RGSL1: variants seen among roughly 807,000 people sequenced by gnomAD.
RGSL1 encodes regulator of G protein signaling like 1.
In RGSL1, 97 loss-of-function variants were observed where a neutral mutation model predicts 124.7. The ratio of observed to expected loss-of-function variants is 0.78; its 90% CI spans 0.66 to 0.92. The LOEUF (loss-of-function observed/expected upper bound fraction) is 0.92, where lower values mean the gene tolerates loss of function less well. Ranked by LOEUF, RGSL1 falls within the 40% of genes least tolerant of loss-of-function variation. The probability of loss-of-function intolerance (pLI) is 0.00; values close to 1 mark genes in which losing one functional copy is unlikely to be tolerated. For synonymous variants in RGSL1, 424 were observed against 438.1 expected, an observed-to-expected ratio of 0.97 and a Z score of 0.40; for missense variants, 1,233 against 1,288.4, an observed-to-expected ratio of 0.96 and a Z score of 0.66.
At chr1:182,485,316 C>T (rs955466316) in intron 6 of RGSL1, among the ~76,000 whole-genome samples, 1 of 152,128 alleles carries the variant, frequency 6.6e-6, no homozygotes, top group African/African-American at 2.4e-5. Context: ...TTCTGTTACT[C>T]CTTCAATGTA....
At chr1:182,512,415 AC>A (rs562086584) in intron 9 of RGSL1, among the ~76,000 whole-genome samples, 9 of 151,108 alleles carry the variant, frequency 6.0e-5, no homozygotes, top group African/African-American at 1.9e-4. Flanking sequence ...GAGTTCCCTG[AC>A]CCCCCCTCTG....
At chr1:182,469,460 T>C (rs1653633652) in intron 4 of RGSL1, among the ~76,000 whole-genome samples, 1 of 152,036 alleles carries the variant, frequency 6.6e-6, no homozygotes, top group South Asian at 2.1e-4. Flanking sequence ...AAAACTATAA[T>C]GAGATACCAT....
intron 9 of RGSL1, among the ~76,000 whole-genome samples, chr1:182,509,571 T>G (rs1571607627): frequency 4.7e-5 from 4 of 85,634 alleles, no homozygotes; most frequent in South Asian, 4.5e-4. Flanking sequence ...CCGGACGGGG[T>G]GGCTGGCCAG....
intron 20 of RGSL1, chr1:182,555,674 A>C: frequency 3.8e-6 from 1 of 263,286 alleles, no homozygotes; most frequent in Admixed American, 5.0e-5. Context: ...TCTGAATGAC[A>C]GGCTTGGTGT....
intron 9 of RGSL1, among the ~76,000 whole-genome samples, chr1:182,503,184 C>T (rs536205): frequency 0.84 from 127,510 of 152,170 alleles, 53,720 homozygotes; most frequent in Non-Finnish European, 0.87. Flanking sequence ...AATCAGTTAT[C>T]GAAGAGTTAT....
Position 182,532,796 on chromosome 1 carries a change from GTCAT to G in RGSL1, c.2494+7_2494+10del. ...AAATGCAAAATAGCAAGGAAAGTAA[GTCAT>G]TTCTGTATTTACCCCCACTCCCTGT... is the stretch of plus-strand genomic sequence containing the variant. On this transcript the variant is annotated splice_donor_region_variant and intron_variant, in intron 14 of 21. Transcript: ENST00000294854. 6.5e-7 allele frequency: 1 copy of G among 1,549,404 alleles called. No individual in the cohort carries two copies. The highest frequency in any genetic ancestry group is 8.7e-7 in the Non-Finnish European group (1 of 1,145,522).
intron 9 of RGSL1, among the ~76,000 whole-genome samples, chr1:182,517,915 G>A (rs1434584680): frequency 2.0e-5 from 3 of 151,636 alleles, no homozygotes; most frequent in African/African-American, 4.8e-5. Flanking sequence ...GAAGATTGTG[G>A]TTCTCTGTTT....
chr1:182,544,735 C>T (rs4652726), intron 15 of RGSL1, among the ~76,000 whole-genome samples: 79,527 of 151,862 alleles, frequency 0.52, 21,036 homozygotes, highest in Non-Finnish European at 0.56. Context: ...ACCCCTTTGT[C>T]ATTATATAAT....
chr1:182,492,995 CTA>C (rs1408123815), intron 8 of RGSL1, 25 bp from the exon 9 acceptor site: 1 of 1,434,080 alleles, frequency 7.0e-7, no homozygotes, highest in South Asian at 1.2e-5. Flanking sequence ...CAACTAAACT[CTA>C]TCTCTGTTTT....
intron 6 of RGSL1, among the ~76,000 whole-genome samples, chr1:182,484,513 G>A (rs184765635): frequency 6.6e-6 from 1 of 152,284 alleles, no homozygotes; most frequent in African/African-American, 2.4e-5. Context: ...AGATGGAGCA[G>A]TTCCACCAAT....
intron 14 of RGSL1, among the ~76,000 whole-genome samples, chr1:182,538,818 T>C (rs915521716): frequency 2.0e-5 from 3 of 152,196 alleles, no homozygotes; most frequent in African/African-American, 7.2e-5. Context: ...GACCTAGTCC[T>C]GACCCCGAGA....
At chr1:182,487,368 C>T (rs998755363) in intron 6 of RGSL1, among the ~76,000 whole-genome samples, 32 of 152,354 alleles carry the variant, frequency 2.1e-4, no homozygotes, top group African/African-American at 7.5e-4. Context: ...CCTGCTTCCT[C>T]TCTTGCCACT....
chr1:182,499,409 C>A (rs1164810798), intron 9 of RGSL1, among the ~76,000 whole-genome samples: 1 of 152,106 alleles, frequency 6.6e-6, no homozygotes, highest in Non-Finnish European at 1.5e-5. Context: ...TTTAATTGAA[C>A]CTTTACCATT....
intron 9 of RGSL1, among the ~76,000 whole-genome samples, chr1:182,510,797 G>A (rs986158477): frequency 3.9e-5 from 6 of 152,054 alleles, no homozygotes; most frequent in East Asian, 1.9e-4. Context: ...TTGCTATTGC[G>A]TTGTTTGAGC....
intron 8 of RGSL1, among the ~76,000 whole-genome samples, chr1:182,492,531 A>G (rs267869): frequency 0.41 from 62,455 of 151,998 alleles, 13,750 homozygotes; most frequent in African/African-American, 0.54. Context: ...TTCTGGAGGG[A>G]AGAGGAGGCT....
intron 6 of RGSL1, among the ~76,000 whole-genome samples, chr1:182,486,474 C>T (rs2102081912): frequency 6.6e-6 from 1 of 151,734 alleles, no homozygotes; most frequent in African/African-American, 2.4e-5. Context: ...GTGGCATGCG[C>T]CTCCCATAGG....
intron 2 of RGSL1, among the ~76,000 whole-genome samples, chr1:182,455,600 A>T (rs1652253965): frequency 6.6e-6 from 1 of 152,162 alleles, no homozygotes; most frequent in Non-Finnish European, 1.5e-5. Flanking sequence ...AGAAAAAAAA[A>T]AAGAATAAAA....
intron 21 of RGSL1, among the ~76,000 whole-genome samples, chr1:182,557,463 G>C (rs1660927933): frequency 6.6e-6 from 1 of 152,204 alleles, no homozygotes; most frequent in African/African-American, 2.4e-5. Flanking sequence ...TGTTAGGCCA[G>C]CAACAAGGTG....
rs372447208 is a variant in RGSL1 at position 182,530,862 on chromosome 1, G to A, written c.2316G>A (p.Ser772=). ...AAGTGCAAAGTGAAGTACAAATTTCGTCTAGGAAGCCCTCAAAGATAGTGT... is the reference window on the plus strand; with the variant it reads ...AAGTGCAAAGTGAAGTACAAATTTCATCTAGGAAGCCCTCAAAGATAGTGT... The part of the protein sequence containing the change: ...EVEVQSEVQI[S]SRKPSKIVST... The change falls in exon 13 of 22, where the codon TCG becomes TCA. Residue 772 remains serine (S), a synonymous_variant. Transcript: ENST00000294854. 4.5e-5 allele frequency: 69 copies of A among 1,549,902 alleles called. No homozygotes were observed. The highest frequency in any genetic ancestry group is 2.5e-4 in the South Asian group (21 of 83,916).
Sources: gnomAD v4.1 joint callset for allele counts (sites outside exome capture counted in the v4.1 genomes callset) on GRCh38, gnomAD v4.1.1 for gene constraint, MANE v1.5 for transcripts, NCBI Gene and HGNC (gene_info 2026-07-23, HGNC 2026-07-21) for gene names.